Variants in CACNA1C observed in about 807,000 individuals in gnomAD.
CACNA1C encodes the protein voltage-dependent L-type calcium channel subunit alpha-1C.
Under a neutral mutation model 229.0 loss-of-function variants are expected in CACNA1C, and 30 were observed. The ratio of observed to expected loss-of-function variants is 0.13; its 90% confidence interval spans 0.10 to 0.18. The LOEUF is 0.18. Among genes scored for constraint, CACNA1C ranks in the 10% least tolerant of loss-of-function variants. The probability of loss-of-function intolerance (pLI) is 1.00; values close to 1 mark genes in which losing one functional copy is unlikely to be tolerated. For missense variants in CACNA1C, 1,658 were observed against 2,845.0 expected, an observed-to-expected ratio of 0.58 and a Z score of 9.49; for synonymous variants, 1,114 against 1,132.5, an observed-to-expected ratio of 0.98 and a Z score of 0.33.
intron 3 of CACNA1C, among the ~76,000 whole-genome samples, chr12:2,399,035 T>G (rs559305866): frequency 6.6e-6 from 1 of 151,748 alleles, no homozygotes; most frequent in Non-Finnish European, 1.5e-5. Context: ...CCTTAACACC[T>G]CCCCCCGGGG....
intron 3 of CACNA1C, among the ~76,000 whole-genome samples, chr12:2,276,559 CCTT>C (rs1566829195): frequency 1.3e-5 from 2 of 152,186 alleles, no homozygotes; most frequent in Non-Finnish European, 2.9e-5. Flanking sequence ...CTTGCTAGAA[CCTT>C]TAGAGCTCCA....
At chr12:2,105,322 T>A (rs963372453) in intron 1 of CACNA1C, among the ~76,000 whole-genome samples, 174 of 152,086 alleles carry the variant, frequency 1.1e-3, no homozygotes, top group African/African-American at 4.0e-3. Flanking sequence ...TACTCGTCAG[T>A]TGGGTTGGGG....
At chr12:1,976,906 A>G (rs886905741) in intron 1 of CACNA1C, among the ~76,000 whole-genome samples, 6 of 152,092 alleles carry the variant, frequency 3.9e-5, no homozygotes. Context: ...GAAATGAAGG[A>G]AAAAAGGGAA....
chr12:2,155,222 G>T (rs2095498662), intron 3 of CACNA1C, among the ~76,000 whole-genome samples: 1 of 152,144 alleles, frequency 6.6e-6, no homozygotes, highest in African/African-American at 2.4e-5. Flanking sequence ...TATGACAGTG[G>T]TTCCCTTGGT....
intron 3 of CACNA1C, among the ~76,000 whole-genome samples, chr12:2,357,708 C>T (rs1037316339): frequency 5.4e-5 from 8 of 149,086 alleles, no homozygotes; most frequent in African/African-American, 1.2e-4. Context: ...CAGTGGTTCA[C>T]ACCTGTAATC....
At chr12:2,090,230 AAGTT>A (rs2154075666) in intron 1 of CACNA1C, among the ~76,000 whole-genome samples, 1 of 152,018 alleles carries the variant, frequency 6.6e-6, no homozygotes, top group Admixed American at 6.5e-5. Flanking sequence ...AATGGACTGA[AAGTT>A]CATCTGTCTT....
chr12:2,500,108 G>A (rs10848666), intron 7 of CACNA1C, among the ~76,000 whole-genome samples: 27,145 of 152,164 alleles, frequency 0.18, 2,673 homozygotes, highest in Middle Eastern at 0.26. Flanking sequence ...GGCCTCGTCC[G>A]TCTCCATCTC....
intron 3 of CACNA1C, among the ~76,000 whole-genome samples, chr12:2,214,563 G>A (rs567530984): frequency 9.2e-5 from 14 of 151,644 alleles, no homozygotes; most frequent in South Asian, 2.1e-4. Context: ...TGCCAAGGTC[G>A]CTGGAAGCAA....
intron 2 of CACNA1C, among the ~76,000 whole-genome samples, chr12:2,116,996 CG>C (rs1434057589): frequency 6.6e-6 from 1 of 152,182 alleles, no homozygotes; most frequent in East Asian, 1.9e-4. Flanking sequence ...AGGCCAGGTG[CG>C]GTGGCTCACG....
intron 1 of CACNA1C, among the ~76,000 whole-genome samples, chr12:2,096,309 T>C (rs1307795756): frequency 6.6e-6 from 1 of 152,266 alleles, no homozygotes; most frequent in East Asian, 1.9e-4. Flanking sequence ...CAGAATTCTT[T>C]GCATCCTTCT....
rs1202589088 is a variant in CACNA1C, at chr12:2,346,037, A to C, written c.478-102939A>C. On this transcript the variant is annotated intron_variant, in intron 3 of 46. Coordinates refer to ENST00000399655, the MANE Select transcript of CACNA1C (RefSeq NM_000719.7). The surrounding 1 kb of genome is among the most constrained non-coding windows in gnomAD (Gnocchi z 4.4). ...ACGTGGGCCGTATGGCAGTGATGGGAGGAGGCTGAGATAGTGCTGAAGATG... is the reference window on the plus strand; with the variant it reads ...ACGTGGGCCGTATGGCAGTGATGGGCGGAGGCTGAGATAGTGCTGAAGATG... Among the ~76,000 whole-genome samples the C allele has an allele frequency of 6.6e-6, 1 of 152,102 alleles. No individual in the cohort carries two copies. Among genetic ancestry groups the C allele is most frequent in the East Asian group, 1.9e-4 (1 of 5,178 alleles).
chr12:2,192,084 A>G (rs2097255061), intron 3 of CACNA1C, among the ~76,000 whole-genome samples: 1 of 151,810 alleles, frequency 6.6e-6, no homozygotes, highest in South Asian at 2.1e-4. Context: ...ACACACACAC[A>G]TGCACGCACA....
Position 2,221,016 on chromosome 12 carries a change from T to G in CACNA1C, c.477+100586T>G, listed in dbSNP as rs112490351. On this transcript the variant is annotated intron_variant, in intron 3 of 46. Coordinates refer to ENST00000399655, the MANE Select transcript of CACNA1C (RefSeq NM_000719.7). Reference sequence around the variant, plus strand: ...TGTGGGTGGGGGTTACTTTAAGCTGTTGGTCAGGGAGGTCCCCTCTGGGAC... The same window carrying G: ...TGTGGGTGGGGGTTACTTTAAGCTGGTGGTCAGGGAGGTCCCCTCTGGGAC... Among the ~76,000 whole-genome samples, 39 of 152,338 alleles carry G rather than the reference T, an allele frequency of 2.6e-4. 1 individual carries two copies. The highest frequency in any genetic ancestry group is 9.1e-4 in the African/African-American group (38 of 41,594).
intron 7 of CACNA1C, among the ~76,000 whole-genome samples, chr12:2,494,318 T>G (rs1051018794): frequency 6.6e-6 from 1 of 152,234 alleles, no homozygotes; most frequent in Non-Finnish European, 1.5e-5. Context: ...CACTCCATAT[T>G]TGAGCTGTCT....
At chr12:2,565,239 C>A (rs941480811) in intron 11 of CACNA1C, among the ~76,000 whole-genome samples, 22 of 151,740 alleles carry the variant, frequency 1.4e-4, no homozygotes, top group Admixed American at 9.2e-4. Context: ...GAGGCCGAGG[C>A]GGGTGGATCA....
intron 9 of CACNA1C, among the ~76,000 whole-genome samples, chr12:2,529,749 T>G (rs1361156481): frequency 6.6e-6 from 1 of 152,260 alleles, no homozygotes; most frequent in Non-Finnish European, 1.5e-5. Flanking sequence ...ATGATGTTTT[T>G]CTTCATGTAC....
intron 1 of CACNA1C, among the ~76,000 whole-genome samples, chr12:2,040,468 C>A (rs1014917862): frequency 6.6e-6 from 1 of 152,154 alleles, no homozygotes; most frequent in Non-Finnish European, 1.5e-5. Flanking sequence ...TTTAATTAGA[C>A]TTTTATAAGA....
intron 30 of CACNA1C, among the ~76,000 whole-genome samples, chr12:2,637,856 G>A (rs781223591): frequency 1.6e-4 from 24 of 152,220 alleles, no homozygotes; most frequent in Non-Finnish European, 3.1e-4. Flanking sequence ...CGTTTCACCT[G>A]TAACCTGCCA....
chr12:2,159,124 G>A (rs1024262234), intron 3 of CACNA1C, among the ~76,000 whole-genome samples: 14 of 152,112 alleles, frequency 9.2e-5, no homozygotes, highest in Non-Finnish European at 1.9e-4. Context: ...TGAGGGGCAG[G>A]TTGGGGAGGG....
Sources: allele counts gnomAD v4.1 joint callset (sites outside exome capture counted in the v4.1 genomes callset), GRCh38; gene constraint gnomAD v4.1.1; non-coding constraint Gnocchi (gnomAD v3.1); transcripts MANE v1.5; gene names NCBI Gene and HGNC (gene_info 2026-07-23, HGNC 2026-07-21).